Variants in SYTL2 observed in about 807,000 individuals in gnomAD.
SYTL2 encodes the protein synaptotagmin like 2, also known as synaptotagmin-like protein 2.
Under a neutral mutation model 198.7 loss-of-function variants are expected in SYTL2, and 165 were observed. That is an observed-to-expected ratio of 0.83 (90% CI 0.73 to 0.94). SYTL2 has a LOEUF of 0.94. SYTL2 is among the 40% of genes least tolerant of loss of function. The pLI is 0.00. For missense variants in SYTL2, 2,835 were observed against 2,582.8 expected (o/e 1.10, Z -2.12); for synonymous variants, 966 against 917.7 (o/e 1.05, Z -0.95).
chr11:85,727,699 T>G lies in SYTL2; in HGVS notation c.1659A>C (p.Ser553=). 6.5e-7 allele frequency: 1 copy of G among 1,544,924 alleles called. No homozygotes were observed. The highest frequency in any genetic ancestry group is 8.7e-7 in the Non-Finnish European group (1 of 1,147,002). The change falls in exon 8 of 20, where the codon TCA becomes TCC. Residue 553 remains serine (S), a synonymous_variant. Transcript: ENST00000359152. ...RGIESKEKTD[S]KSQVAVDLVT... ...CCAAGTCAACAGCAACCTGTGATTT[T>G]GAGTCTGTTTTTTCTTTGGACTCTA...
the SYTL2 span, among the ~76,000 whole-genome samples, chr11:85,816,552 A>G: frequency 4.6e-5 from 7 of 152,148 alleles, no homozygotes; most frequent in South Asian, 2.1e-4. Context: ...AGTTCTGGAG[A>G]TGTTCTGCAT....
chr11:85,734,801 T>C (rs910976896), intron 6 of SYTL2, 59 bp from the exon 7 acceptor site: 5 of 1,265,976 alleles, frequency 3.9e-6, no homozygotes, highest in Non-Finnish European at 4.4e-6. Context: ...TAATTTAAAA[T>C]ACCTGTCATA....
intron 2 of SYTL2, among the ~76,000 whole-genome samples, chr11:85,750,840 G>GA (rs201107221): frequency 0.022 from 3,371 of 152,216 alleles, 57 homozygotes; most frequent in Middle Eastern, 0.068. Context: ...ATCAGAACAG[G>GA]AAAAAACATC....
chr11:85,718,742 C>A, intron 10 of SYTL2, 48 bp downstream of exon 10: 1 of 1,585,974 alleles, frequency 6.3e-7, no homozygotes. Context: ...CCAAATCACC[C>A]CAGAAGTTAA....
chr11:85,840,469 T>C, the SYTL2 span, among the ~76,000 whole-genome samples: 2 of 152,086 alleles, frequency 1.3e-5, no homozygotes, highest in Admixed American at 1.3e-4. Flanking sequence ...AGATCTGCTA[T>C]CCAACTTCAA....
In SYTL2 at chr11:85,723,534, C is replaced by T. The variant is rs78181087; in HGVS notation, c.5326+498G>A. Among the ~76,000 whole-genome samples, 481 of 152,226 alleles carry T rather than the reference C, an allele frequency of 3.2e-3. 1 individual carries two copies. Among genetic ancestry groups the T allele is most frequent in the Non-Finnish European group, 5.1e-3 (349 of 67,996 alleles). On this transcript the variant is annotated intron_variant, in intron 8 of 19. Coordinates refer to ENST00000359152, the MANE Select transcript of SYTL2 (RefSeq NM_206927.4). ...TGTGTCCATCTGTGGCACATCTTTG[C>T]GACAAATCTTACCAGACTTCTATAA...
At chr11:85,743,702 C>G (rs1760003145) in intron 4 of SYTL2, among the ~76,000 whole-genome samples, 1 of 152,124 alleles carries the variant, frequency 6.6e-6, no homozygotes, top group Non-Finnish European at 1.5e-5. Context: ...AGAATACCCA[C>G]CAGCCCCACG....
chr11:85,715,448 G>T (rs1383552592), intron 11 of SYTL2, among the ~76,000 whole-genome samples: 1 of 151,944 alleles, frequency 6.6e-6, no homozygotes, highest in Non-Finnish European at 1.5e-5. Flanking sequence ...ATTATATTGT[G>T]AATGAAACAG....
chr11:85,709,976 C>A (rs1291599665), intron 13 of SYTL2, among the ~76,000 whole-genome samples: 1 of 152,192 alleles, frequency 6.6e-6, no homozygotes, highest in Non-Finnish European at 1.5e-5. Context: ...AGCCACCGCG[C>A]CCAGCCGACT....
At chr11:85,781,791 T>C (rs1368520322) in intron 1 of SYTL2, among the ~76,000 whole-genome samples, 2 of 152,188 alleles carry the variant, frequency 1.3e-5, no homozygotes, top group South Asian at 2.1e-4. Flanking sequence ...CCATGTCTCA[T>C]ATCTAGGTCA....
Position 85,726,453 on chromosome 11 carries a change from CCATT to C in SYTL2, c.2901_2904del (p.Asp969AsnfsTer16). 6.2e-7 allele frequency: 1 copy of C among 1,613,108 alleles called. No homozygotes were observed. The highest frequency in any genetic ancestry group is 8.5e-7 in the Non-Finnish European group (1 of 1,179,914). On this transcript the variant is annotated frameshift_variant, in exon 8 of 20. Coordinates refer to ENST00000359152, the MANE Select transcript of SYTL2 (RefSeq NM_206927.4). LOFTEE classifies it high-confidence loss of function. The stretch of plus-strand genomic sequence containing the variant: ...TAGACCTGTTCTGCATTGGGTTCAT[CCATT>C]CTTTCTTTTAGGGACATAACTTTAA...
upstream of SYTL2, among the ~76,000 whole-genome samples, chr11:85,815,352 G>T (rs756593825): frequency 6.6e-6 from 1 of 152,164 alleles, no homozygotes; most frequent in Non-Finnish European, 1.5e-5. Flanking sequence ...ACTTATACCA[G>T]TTACGTATCA....
chr11:85,760,319 C>T (rs953262644), intron 1 of SYTL2, among the ~76,000 whole-genome samples: 9 of 152,154 alleles, frequency 5.9e-5, no homozygotes, highest in Non-Finnish European at 1.3e-4. Context: ...ACGATACTCC[C>T]GCAGCAGGAA....
upstream of SYTL2, chr11:85,811,253 G>A (rs1023423072): frequency 1.7e-5 from 2 of 117,998 alleles, no homozygotes; most frequent in African/African-American, 3.2e-5. Context: ...CCCGCTCCCC[G>A]CCCCGGCCCG....
chr11:85,839,889 A>T, the SYTL2 span, among the ~76,000 whole-genome samples: 3 of 152,204 alleles, frequency 2.0e-5, no homozygotes, highest in Admixed American at 1.3e-4. Flanking sequence ...GTACTAATTT[A>T]CATTCCCACC....
At chr11:85,783,582 T>C (rs2092595177) in intron 1 of SYTL2, among the ~76,000 whole-genome samples, 1 of 152,166 alleles carries the variant, frequency 6.6e-6, no homozygotes, top group African/African-American at 2.4e-5. Context: ...TATCAAAGTC[T>C]TACATAACAG....
At chr11:85,847,837 G>A in the SYTL2 span, among the ~76,000 whole-genome samples, 3 of 152,042 alleles carry the variant, frequency 2.0e-5, no homozygotes, top group Admixed American at 1.3e-4. Flanking sequence ...TTGAGCTTGA[G>A]GAATTATTTA....
chr11:85,727,542 C>G lies in SYTL2; in HGVS notation c.1816G>C (p.Asp606His). ...TTGGATTTGATATTCACATTATTAT[C>G]TTGGCAACTTTCAGAAACCAGCATA... ...GDMLVSESCQ[D>H]NNVNIKSKFM... The change falls in exon 8 of 20, where the codon GAT (aspartate) becomes CAT (histidine). Residue 606 changes from aspartate to histidine, a missense_variant. Physicochemically the swap from Asp to His is moderately conservative, Grantham distance 81. Coordinates refer to ENST00000359152, the MANE Select transcript of SYTL2 (RefSeq NM_206927.4). 1 of 1,536,064 alleles carries G rather than the reference C, an allele frequency of 6.5e-7. No individual in the cohort carries two copies. Among genetic ancestry groups the G allele is most frequent in the Non-Finnish European group, 8.7e-7 (1 of 1,146,882 alleles).
chr11:85,805,756 C>T (rs2092950728), intron 1 of SYTL2, among the ~76,000 whole-genome samples: 1 of 152,228 alleles, frequency 6.6e-6, no homozygotes, highest in African/African-American at 2.4e-5. Context: ...CAACTGATAC[C>T]TTTCTTTCCC....
Sources: allele counts gnomAD v4.1 joint callset (sites outside exome capture counted in the v4.1 genomes callset), GRCh38; gene constraint gnomAD v4.1.1; transcripts MANE v1.5; gene names NCBI Gene and HGNC (gene_info 2026-07-23, HGNC 2026-07-21).